The following TLK1 variants were observed in gnomAD, a reference collection of about 807,000 sequenced individuals.
TLK1 encodes tousled like kinase 1.
A neutral mutation model predicts 105.3 loss-of-function variants in TLK1; 24 were observed. That is an observed-to-expected ratio of 0.23 (90% CI 0.17 to 0.32). The LOEUF (loss-of-function observed/expected upper bound fraction) is 0.32. Among genes scored for constraint, TLK1 ranks in the 10% least tolerant of loss-of-function variants. TLK1 has a pLI of 1.00. For missense variants in TLK1, 558 were observed against 910.5 expected, an observed-to-expected ratio of 0.61 and a Z score of 4.98; for synonymous variants, 321 against 310.4, an observed-to-expected ratio of 1.03 and a Z score of -0.36.
intron 1 of TLK1, among the ~76,000 whole-genome samples, chr2:171,132,323 C>T (rs1211499799): frequency 6.6e-6 from 1 of 152,076 alleles, no homozygotes; most frequent in African/African-American, 2.4e-5. Flanking sequence ...AGTCACTTCC[C>T]ACCGAGTCCC....
chr2:171,050,199 G>T, intron 8 of TLK1, 25 bp from the exon 9 acceptor site: 1 of 1,542,350 alleles, frequency 6.5e-7, no homozygotes. Flanking sequence ...GAAAATGCAA[G>T]AGGTCTAGAC....
rs909448004 is a variant in TLK1 at position 171,018,973 on chromosome 2, C to T, written c.1237-4025G>A. On this transcript the variant is annotated intron_variant, in intron 12 of 20. Transcript: ENST00000431350. The stretch of plus-strand genomic sequence containing the variant: ...AACTACAATGGAAAATTTAACAATA[C>T]ACACTATAGCTATTTTAACAGTATT... Among the ~76,000 whole-genome samples the T allele has an allele frequency of 3.9e-5, 6 of 152,156 alleles. No homozygotes were observed. The East Asian group carries it at 1.2e-3, about 29-fold the overall frequency.
intron 1 of TLK1, among the ~76,000 whole-genome samples, chr2:171,219,910 CT>C (rs1225873206): frequency 2.0e-5 from 3 of 151,968 alleles, no homozygotes; most frequent in Non-Finnish European, 4.4e-5. Flanking sequence ...CTCTGGGGTC[CT>C]TTTTTAAGGG....
chr2:171,189,949 GA>G lies in TLK1; in HGVS notation c.-6+41195del, dbSNP rs1693113173. 3.1e-5 allele frequency among the ~76,000 whole-genome samples: 4 copies of G among 128,228 alleles called. No individual in the cohort carries two copies. The East Asian group carries it at 1.5e-3, about 49-fold the overall frequency. The allele number at this position is 128,228 out of a possible 152,430, so 84.1% of individuals were successfully genotyped here. On this transcript the variant is annotated intron_variant, in intron 1 of 20. Transcript: ENST00000521943. ...GACCCTGTCTCAAAAGAAAAGAAAA[GA>G]AAAAAGGGCAGAAGGCATGTGCCAG...
rs552852752 is a variant in TLK1, at chr2:171,122,142, TCACCATGTTGGCCAGGATG to T, written c.140-4304_140-4286del. Among the ~76,000 whole-genome samples the T allele has an allele frequency of 2.1e-3, 324 of 152,292 alleles. 2 individuals are homozygous for T. The highest frequency in any genetic ancestry group is 7.1e-3 in the African/African-American group (294 of 41,560). ...TTGTATTTTTAGTGAAGACGGGGTTTCACCATGTTGGCCAGGATGCACCATGTTGGCCAGGATGGTCTCG... is the reference window on the plus strand; with the variant it reads ...TTGTATTTTTAGTGAAGACGGGGTTTCACCATGTTGGCCAGGATGGTCTCG... On this transcript the variant is annotated intron_variant, in intron 1 of 20. Coordinates refer to ENST00000431350, the MANE Select transcript of TLK1 (RefSeq NM_012290.5).
chr2:171,187,983 G>A (rs562956838), intron 1 of TLK1, among the ~76,000 whole-genome samples: 112 of 152,236 alleles, frequency 7.4e-4, no homozygotes, highest in African/African-American at 2.6e-3. Flanking sequence ...TATGAACTCT[G>A]GACTGAATTA....
At chr2:171,063,401 T>A (rs1331756655) in intron 3 of TLK1, among the ~76,000 whole-genome samples, 1 of 152,056 alleles carries the variant, frequency 6.6e-6, no homozygotes, top group Non-Finnish European at 1.5e-5. Flanking sequence ...AATAATAATT[T>A]ATTCATATCC....
At chr2:171,165,331 A>G (rs1362066396), upstream of TLK1, among the ~76,000 whole-genome samples, 1 of 152,224 alleles carries the variant, frequency 6.6e-6, no homozygotes, top group Non-Finnish European at 1.5e-5. Flanking sequence ...GATGACGATC[A>G]ATGAGCTGGG....
At chr2:170,994,061 T>A (rs1048728018) in intron 20 of TLK1, 105 bp from the exon 21 acceptor site, 2 of 1,232,562 alleles carry the variant, frequency 1.6e-6, no homozygotes, top group African/African-American at 3.1e-5. Flanking sequence ...CATAAGTAGA[T>A]CTCATTTTAT....
chr2:171,160,543 G>T lies in TLK1; in HGVS notation c.-115C>A. 6.5e-7 allele frequency: 1 copy of T among 1,542,672 alleles called. No homozygotes were observed. The highest frequency in any genetic ancestry group is 8.7e-7 in the Non-Finnish European group (1 of 1,149,072). On this transcript the variant is annotated 5_prime_UTR_variant, in exon 1 of 21. Transcript: ENST00000431350. The surrounding 1 kb of genome is among the most constrained non-coding windows in gnomAD (Gnocchi z 4.4). ...GCTGAGGGCGAGCGAGAGAGCGAGG[G>T]CTGGGAGGGGAGAGTCAAGGGGATG...
intron 12 of TLK1, among the ~76,000 whole-genome samples, chr2:171,021,991 T>A (rs1249193747): frequency 6.6e-6 from 1 of 151,462 alleles, no homozygotes; most frequent in Admixed American, 6.6e-5. Flanking sequence ...TAATCCCAGC[T>A]ACTCAGGAGG....
chr2:171,075,608 CAT>C (rs1216746906), intron 3 of TLK1, among the ~76,000 whole-genome samples: 2 of 152,058 alleles, frequency 1.3e-5, no homozygotes, highest in African/African-American at 4.8e-5. Flanking sequence ...TATAAACAGA[CAT>C]AACTGTGCTT....
chr2:171,058,322 C>A, intron 4 of TLK1, 125 bp from the exon 5 acceptor site: 1 of 841,374 alleles, frequency 1.2e-6, no homozygotes, highest in Non-Finnish European at 1.9e-6. Context: ...TCAATAGAGA[C>A]ATGCCAATTT....
chr2:171,092,546 A>G (rs1412415164), intron 2 of TLK1, among the ~76,000 whole-genome samples: 1 of 152,208 alleles, frequency 6.6e-6, no homozygotes, highest in African/African-American at 2.4e-5. Context: ...ATCCCAAAAT[A>G]TCTATTTACT....
At position 171,003,273 on chromosome 2, in the gene TLK1, C is replaced by CAAAAAAAA. The variant is rs777049271; in HGVS notation, c.1904+2866_1904+2873dup. On this transcript the variant is annotated intron_variant, in intron 18 of 20. Transcript: ENST00000431350. Reference sequence around the variant, plus strand: ...TGGGCGACAGAGCAAGACTCCGTCTCAAAAAAAAAAAAAAAAAAAAAAAAA... The same window carrying CAAAAAAAA: ...TGGGCGACAGAGCAAGACTCCGTCTCAAAAAAAAAAAAAAAAAAAAAAAAAAAAAAAAA... Among the ~76,000 whole-genome samples the CAAAAAAAA allele has an allele frequency of 3.1e-3, 209 of 68,468 alleles. 8 individuals carry two copies. The highest frequency in any genetic ancestry group is 0.02 in the Middle Eastern group (2 of 102). 44.9% of individuals were successfully genotyped at this position (68,468 alleles called of 152,430 possible). A position where few individuals can be genotyped will look rare whatever the true frequency, so the allele number is the denominator to read the frequency against.
chr2:171,209,697 A>G (rs980951318), intron 1 of TLK1, among the ~76,000 whole-genome samples: 1 of 152,168 alleles, frequency 6.6e-6, no homozygotes, highest in African/African-American at 2.4e-5. Flanking sequence ...GCCCTAATCC[A>G]ATATGCCTGG....
Position 171,031,636 on chromosome 2 carries a change from CATA to C in TLK1, c.1170-3234_1170-3232del, listed in dbSNP as rs556043105. 1.2e-3 allele frequency among the ~76,000 whole-genome samples: 183 copies of C among 152,184 alleles called. 2 individuals are homozygous for C. The highest frequency in any genetic ancestry group is 0.01 in the Middle Eastern group (3 of 294). Reference sequence around the variant, plus strand: ...CAATGTATTATTTTTATTATGCACACATAATATTTTAAACGTTAACAAATTTAA... The same window carrying C: ...CAATGTATTATTTTTATTATGCACACATATTTTAAACGTTAACAAATTTAA... On this transcript the variant is annotated intron_variant, in intron 11 of 20. Transcript: ENST00000431350.
chr2:171,058,857 C>T (rs780265972), intron 4 of TLK1, among the ~76,000 whole-genome samples: 24 of 152,190 alleles, frequency 1.6e-4, no homozygotes, highest in Middle Eastern at 3.4e-3. Flanking sequence ...ACAGAATACA[C>T]GATTTCTTCA....
At chr2:171,193,636 C>T (rs1335956644) in intron 1 of TLK1, among the ~76,000 whole-genome samples, 2 of 149,940 alleles carry the variant, frequency 1.3e-5, no homozygotes, top group Non-Finnish European at 1.5e-5. Flanking sequence ...CTCCTGACCT[C>T]GTGATCCGCC....
Sources: gnomAD v4.1 joint callset for allele counts (sites outside exome capture counted in the v4.1 genomes callset) on GRCh38, gnomAD v4.1.1 for gene constraint, Gnocchi (gnomAD v3.1) non-coding constraint, MANE v1.5 for transcripts, NCBI Gene and HGNC (gene_info 2026-07-23, HGNC 2026-07-21) for gene names.